The following NCOA3 variants were observed in gnomAD, a reference collection of about 807,000 sequenced individuals.
NCOA3 encodes nuclear receptor coactivator 3.
In NCOA3, 51 loss-of-function variants were observed where a neutral mutation model predicts 158.8. The observed-to-expected ratio is 0.32, with a 90% CI of 0.26 to 0.41. The LOEUF is 0.41. Among genes scored for constraint, NCOA3 ranks in the 10% least tolerant of loss-of-function variants. The pLI is 1.00. For synonymous variants in NCOA3, 537 were observed against 592.4 expected, an observed-to-expected ratio of 0.91 and a Z score of 1.36; for missense variants, 1,510 against 1,746.6, an observed-to-expected ratio of 0.86 and a Z score of 2.41.
At chr20:47,594,300 GGAACCTTTT>G (rs1245861355) in intron 2 of NCOA3, among the ~76,000 whole-genome samples, 5 of 151,980 alleles carry the variant, frequency 3.3e-5, no homozygotes, top group Non-Finnish European at 7.4e-5. Flanking sequence ...TCTACATTAC[GGAACCTTTT>G]AGTTACCTGC....
intron 1 of NCOA3, among the ~76,000 whole-genome samples, chr20:47,554,650 G>A (rs186706441): frequency 0.067 from 10,226 of 151,950 alleles, 442 homozygotes; most frequent in Non-Finnish European, 0.097. Flanking sequence ...CAACTTACAA[G>A]GGATGTGAAA....
rs1342580900 is a variant in NCOA3 at position 47,636,630 on chromosome 20, T to C, written c.2244T>C (p.Ser748=). The change falls in exon 12 of 23, where the codon AGT becomes AGC. Residue 748 remains serine (S), a synonymous_variant. Transcript: ENST00000371998. ...LRYLLDRDDP[S]DALSKELQPQ... ...ACCTGCTGGACAGGGATGATCCTAG[T>C]GATGCACTCTCTAAAGAACTACAGC... is the stretch of plus-strand genomic sequence containing the variant. 2.5e-6 allele frequency: 4 copies of C among 1,614,052 alleles called. No homozygotes were observed. The African/African-American group carries it at 4.0e-5, about 16-fold the overall frequency.
intron 1 of NCOA3, among the ~76,000 whole-genome samples, chr20:47,548,560 A>G (rs1165428510): frequency 6.6e-6 from 1 of 151,994 alleles, no homozygotes; most frequent in African/African-American, 2.4e-5. Flanking sequence ...ATAAAATAAA[A>G]TAAAAATAAA....
intron 20 of NCOA3, 24 bp downstream of exon 20, chr20:47,651,300 C>T: frequency 6.3e-7 from 1 of 1,582,568 alleles, no homozygotes; most frequent in Non-Finnish European, 8.6e-7. Flanking sequence ...TGAAAATGTG[C>T]CTTCCCCAAG....
chr20:47,510,215 G>A (rs1569310211), intron 1 of NCOA3, among the ~76,000 whole-genome samples: 2 of 151,882 alleles, frequency 1.3e-5, no homozygotes, highest in Non-Finnish European at 1.5e-5. Flanking sequence ...AGTGGATCAC[G>A]AAGTCAGGAA....
chr20:47,509,062 G>A (rs1449801407), intron 1 of NCOA3, among the ~76,000 whole-genome samples: 1 of 152,116 alleles, frequency 6.6e-6, no homozygotes, highest in Non-Finnish European at 1.5e-5. Flanking sequence ...CTTTATACCA[G>A]ATAACCGTGT....
At position 47,635,587 on chromosome 20, in the gene NCOA3, G is replaced by A. The variant is rs1052765; in HGVS notation, c.1378G>A (p.Gly460Arg). ...ATCTTCCTACCAGAACAACAACTAT[G>A]GGCTCAACATGAGTAGCCCCCCACA... ...SPSSYQNNNY[G>R]LNMSSPPHGS... Residue 460 changes from glycine (G) to arginine (R), a missense_variant, in exon 11 of 23, where the codon GGG becomes AGG. Transcript: ENST00000371998. The A allele has an allele frequency of 3.2e-4, 522 of 1,613,990 alleles. No homozygotes were observed. Among genetic ancestry groups the A allele is most frequent in the Non-Finnish European group, 3.0e-4 (355 of 1,180,028 alleles).
intron 1 of NCOA3, among the ~76,000 whole-genome samples, chr20:47,505,069 T>C (rs1348359231): frequency 7.5e-6 from 1 of 133,168 alleles, no homozygotes; most frequent in African/African-American, 2.7e-5. Flanking sequence ...TCTTTCTTTT[T>C]TTTTTTTTTT....
intron 1 of NCOA3, among the ~76,000 whole-genome samples, chr20:47,516,082 T>C (rs1421404705): frequency 6.6e-6 from 1 of 152,198 alleles, no homozygotes; most frequent in Admixed American, 6.6e-5. Flanking sequence ...GTAGTGAAAC[T>C]ACTCTGTATG....
rs190185852 is a variant in NCOA3 at position 47,523,770 on chromosome 20, C to G, written c.-99+21751C>G. On this transcript the variant is annotated intron_variant, in intron 1 of 22. Transcript: ENST00000371998. ...CAGCGATAGTGAAACTTTCATGCTT[C>G]CTTTTTGTCAACTATTATCCCTGCT... Among the ~76,000 whole-genome samples the G allele has an allele frequency of 6.2e-4, 94 of 152,330 alleles. 1 individual carries two copies. Among genetic ancestry groups the G allele is most frequent in the Non-Finnish European group, 2.9e-5 (2 of 68,026 alleles).
At chr20:47,587,795 T>C (rs904036057) in intron 2 of NCOA3, among the ~76,000 whole-genome samples, 5 of 152,216 alleles carry the variant, frequency 3.3e-5, no homozygotes, top group Admixed American at 6.5e-5. Context: ...AACATACATA[T>C]ACATATTTTA....
intron 2 of NCOA3, among the ~76,000 whole-genome samples, chr20:47,603,414 T>C (rs1485448839): frequency 6.6e-6 from 1 of 152,240 alleles, no homozygotes. Flanking sequence ...CTGGGCTCTG[T>C]TCTCATGGGA....
intron 1 of NCOA3, among the ~76,000 whole-genome samples, chr20:47,509,448 A>AGT (rs1003592637): frequency 2.6e-5 from 4 of 152,070 alleles, no homozygotes; most frequent in Admixed American, 6.6e-5. Context: ...ACTGGGTAAA[A>AGT]GTGTGTGTGT....
Position 47,627,037 on chromosome 20 carries a change from C to G in NCOA3, c.393C>G (p.Asp131Glu). 1 of 1,613,112 alleles carries G rather than the reference C, an allele frequency of 6.2e-7. No homozygotes were observed. Residue 131 changes from aspartate (D) to glutamate (E), a missense_variant, in exon 6 of 23, where the codon GAC becomes GAG. Transcript: ENST00000371998. ...LDGFLFVVNR[D>E]GNIVFVSENV... ...GTTTCCTATTTGTGGTGAATCGAGA[C>G]GGAAACATTGTATTTGTATCAGAAA...
rs538192327 is a variant in NCOA3 at position 47,520,657 on chromosome 20, A to ATGTCT, written c.-99+18646_-99+18650dup. 5.5e-3 allele frequency among the ~76,000 whole-genome samples: 831 copies of ATGTCT among 150,850 alleles called. 1 individual carries two copies. The highest frequency in any genetic ancestry group is 9.5e-3 in the Non-Finnish European group (643 of 67,646). Reference sequence around the variant, plus strand: ...GAAGGCTCAAACCCTCAAATTAGGGATGTCTTGTCTTGCCTTGCCTGCCCT... The same window carrying ATGTCT: ...GAAGGCTCAAACCCTCAAATTAGGGATGTCTTGTCTTGTCTTGCCTTGCCTGCCCT... On this transcript the variant is annotated intron_variant, in intron 1 of 22. Coordinates refer to ENST00000371998, the MANE Select transcript of NCOA3 (RefSeq NM_181659.3).
rs528095432 is a variant in NCOA3 at position 47,580,656 on chromosome 20, A to G, written c.-98-2527A>G. On this transcript the variant is annotated intron_variant, in intron 1 of 22. Coordinates refer to ENST00000371998, the MANE Select transcript of NCOA3 (RefSeq NM_181659.3). ...GACCCTCCTTCGTCTTTCCTAATAA[A>G]GGAAAAAACATAAGAGAACCATTTT... Among the ~76,000 whole-genome samples, 35 of 152,188 alleles carry G rather than the reference A, an allele frequency of 2.3e-4. No homozygotes were observed. In the South Asian group the frequency reaches 6.6e-3, roughly 29 times the overall value.
At chr20:47,518,484 C>T (rs2084271776) in intron 1 of NCOA3, among the ~76,000 whole-genome samples, 1 of 145,670 alleles carries the variant, frequency 6.9e-6, no homozygotes, top group Non-Finnish European at 1.5e-5. Flanking sequence ...AGTGCAATGG[C>T]ATGATCTCGG....
chr20:47,641,795 A>G (rs1470314241), intron 16 of NCOA3, among the ~76,000 whole-genome samples: 1 of 151,960 alleles, frequency 6.6e-6, no homozygotes, highest in East Asian at 1.9e-4. Flanking sequence ...GCGCCTGGCC[A>G]TAGCTCAACA....
intron 16 of NCOA3, among the ~76,000 whole-genome samples, chr20:47,641,266 G>A (rs1382784288): frequency 1.3e-5 from 2 of 151,624 alleles, no homozygotes; most frequent in East Asian, 1.9e-4. Flanking sequence ...TGTGGGCCAA[G>A]TGTGACAAAG....
Sources: gnomAD v4.1 joint callset for allele counts (sites outside exome capture counted in the v4.1 genomes callset) on GRCh38, gnomAD v4.1.1 for gene constraint, MANE v1.5 for transcripts, NCBI Gene and HGNC (gene_info 2026-07-23, HGNC 2026-07-21) for gene names.